The following ANO4 variants were observed in gnomAD, a reference collection of about 807,000 sequenced individuals.
ANO4 encodes the protein anoctamin-4.
A neutral mutation model predicts 141.9 loss-of-function variants in ANO4; 69 were observed. The observed-to-expected ratio is 0.49, with a 90% confidence interval of 0.40 to 0.59. The LOEUF (loss-of-function observed/expected upper bound fraction) is 0.59. ANO4 is among the 20% of genes least tolerant of loss of function. The probability of loss-of-function intolerance (pLI) is 0.00; values close to 1 mark genes in which losing one functional copy is unlikely to be tolerated. For synonymous variants in ANO4, 350 were observed against 394.3 expected (o/e 0.89, Z 1.33); for missense variants, 894 against 1,162.2 (o/e 0.77, Z 3.36).
Position 101,083,838 on chromosome 12 carries a change from A to C in ANO4, c.1536+20A>C. On this transcript the variant is annotated intron_variant, in intron 16 of 27. Transcript: ENST00000392977. Reference sequence around the variant, plus strand: ...TTTATGGTTTGAAACTTTTAAAAAAATATTTGTTTCATAAAATACAAACCT... The same window carrying C: ...TTTATGGTTTGAAACTTTTAAAAAACTATTTGTTTCATAAAATACAAACCT... The C allele has an allele frequency of 1.3e-6, 2 of 1,537,186 alleles. No individual in the cohort carries two copies. The highest frequency in any genetic ancestry group is 2.8e-5 in the African/African-American group (2 of 70,642).
intron 1 of ANO4, among the ~76,000 whole-genome samples, chr12:100,810,734 A>G (rs1250217698): frequency 6.6e-6 from 1 of 151,990 alleles, no homozygotes; most frequent in East Asian, 1.9e-4. Flanking sequence ...AGATTAGATA[A>G]CTGCTAAGTG....
chr12:101,099,955 G>A (rs1042309155), intron 22 of ANO4, among the ~76,000 whole-genome samples: 1 of 152,166 alleles, frequency 6.6e-6, no homozygotes, highest in Admixed American at 6.5e-5. Flanking sequence ...CATGGGCTTT[G>A]GAAGTAAATT....
chr12:101,108,651 A>G (rs1164058798), intron 22 of ANO4, among the ~76,000 whole-genome samples: 2 of 152,162 alleles, frequency 1.3e-5, no homozygotes, highest in Non-Finnish European at 2.9e-5. Flanking sequence ...TACTATTTTT[A>G]CAGTCATATA....
intron 1 of ANO4, chr12:100,717,681 G>A: frequency 2.5e-6 from 1 of 395,096 alleles, no homozygotes; most frequent in Non-Finnish European, 4.5e-6. Flanking sequence ...CGGCGGCCGT[G>A]CGCGCCGCTC....
At chr12:100,907,028 A>T (rs1160809696) in intron 2 of ANO4, among the ~76,000 whole-genome samples, 1 of 152,156 alleles carries the variant, frequency 6.6e-6, no homozygotes, top group Non-Finnish European at 1.5e-5. Context: ...ATGTTGGACA[A>T]TTGTCTTCAG....
intron 8 of ANO4, among the ~76,000 whole-genome samples, chr12:101,006,105 AT>A (rs1199409306): frequency 3.9e-5 from 6 of 152,144 alleles, no homozygotes; most frequent in Non-Finnish European, 7.4e-5. Flanking sequence ...TAAAATATTT[AT>A]TGATGCAACC....
rs149261812 is a variant in ANO4 at position 100,974,548 on chromosome 12, A to G, written c.558-297A>G. On this transcript the variant is annotated intron_variant, in intron 6 of 27. Transcript: ENST00000392977. The stretch of plus-strand genomic sequence containing the variant: ...CTCAGCTGAAGCTGTGCAAATACCA[A>G]TCACTCCAAATTATCATACTGCACA... Among the ~76,000 whole-genome samples, 101 of 152,198 alleles carry G rather than the reference A, an allele frequency of 6.6e-4. 1 individual carries two copies. The highest frequency in any genetic ancestry group is 2.4e-3 in the African/African-American group (98 of 41,538).
At chr12:100,937,584 T>C (rs950471328) in intron 3 of ANO4, among the ~76,000 whole-genome samples, 1 of 152,196 alleles carries the variant, frequency 6.6e-6, no homozygotes, top group African/African-American at 2.4e-5. Flanking sequence ...TGGTTTTTTT[T>C]CTTTGTAGCC....
rs1205021494 is a variant in ANO4 at position 100,984,995 on chromosome 12, C to T, written c.603-2544C>T. ...GGATTCAATTCATAGTCATCGCACA[C>T]AGAGCCCAGATTCTGTGGGAATGTG... On this transcript the variant is annotated intron_variant, in intron 7 of 27. Transcript: ENST00000392977. Among the ~76,000 whole-genome samples, 4 of 152,170 alleles carry T rather than the reference C, an allele frequency of 2.6e-5. No homozygotes were observed. The East Asian group carries it at 7.7e-4, about 29-fold the overall frequency.
chr12:101,116,686 G>A lies in ANO4; in HGVS notation c.2458G>A (p.Val820Ile), dbSNP rs776470078. Residue 820 changes from valine (V) to isoleucine (I), a missense_variant, in exon 25 of 28, where the codon GTT (valine) becomes ATT (isoleucine). By Grantham distance (29) the Val-to-Ile change is conservative. Transcript: ENST00000392977. ...GQGEAGQKCM[V>I]GYVNASLSVF... is the part of the protein sequence containing the mutation. ...ATGTGCCTCCTCTTATAGGTGCATG[G>A]TTGGCTATGTGAATGCCAGCTTGTC... The A allele has an allele frequency of 1.2e-5, 19 of 1,614,126 alleles. No individual in the cohort carries two copies. Among genetic ancestry groups the A allele is most frequent in the Non-Finnish European group, 1.6e-5 (19 of 1,179,998 alleles).
intron 7 of ANO4, among the ~76,000 whole-genome samples, chr12:100,983,702 C>A (rs1342813399): frequency 6.6e-6 from 1 of 152,220 alleles, no homozygotes; most frequent in Non-Finnish European, 1.5e-5. Flanking sequence ...CTCTCTGATT[C>A]TCCTTCTGCC....
intron 1 of ANO4, among the ~76,000 whole-genome samples, chr12:100,838,644 G>A (rs1415303937): frequency 6.6e-6 from 1 of 152,100 alleles, no homozygotes; most frequent in Non-Finnish European, 1.5e-5. Flanking sequence ...TGTGTGGAGA[G>A]GAAGGTGGAA....
At chr12:101,019,190 G>A (rs977202301) in intron 8 of ANO4, among the ~76,000 whole-genome samples, 2 of 152,046 alleles carry the variant, frequency 1.3e-5, no homozygotes, top group Non-Finnish European at 2.9e-5. Context: ...TTGCAGGGTT[G>A]ATAAACTTTA....
At chr12:100,876,528 G>C (rs1418349573) in intron 1 of ANO4, among the ~76,000 whole-genome samples, 1 of 152,200 alleles carries the variant, frequency 6.6e-6, no homozygotes, top group East Asian at 1.9e-4. Flanking sequence ...GTCTGCTGAT[G>C]TGAGGGATTC....
At chr12:101,048,894 C>T (rs767467004) in intron 14 of ANO4, among the ~76,000 whole-genome samples, 1 of 152,146 alleles carries the variant, frequency 6.6e-6, no homozygotes, top group African/African-American at 2.4e-5. Flanking sequence ...GTGATGGAAA[C>T]AGTCAAATAT....
chr12:100,739,828 C>T, intron 2 of ANO4: 1 of 699,316 alleles, frequency 1.4e-6, no homozygotes, highest in Non-Finnish European at 2.6e-6. Context: ...ATTGCTGCCA[C>T]TCACCTAATA....
Position 101,096,602 on chromosome 12 carries a change from T to C in ANO4, c.1805T>C (p.Val602Ala), listed in dbSNP as rs1421084896. The change falls in exon 19 of 28, where the codon GTC (valine) becomes GCC (alanine). Residue 602 changes from valine to alanine, a missense_variant. Val to Ala is a moderately conservative substitution (Grantham distance 64). Around this residue, in one of 2 missense-constraint regions of ANO4, gnomAD observed 637 missense variants for 909.2 expected, o/e 0.70. Transcript: ENST00000392977. ...FTLKMFLFQF[V>A]NLNSSTFYIA... ...CTGAAAATGTTTCTTTTTCAGTTTG[T>C]CAATCTGAACAGCTCCACATTTTAC... The C allele has an allele frequency of 6.2e-7, 1 of 1,613,618 alleles. No individual in the cohort carries two copies.
intron 14 of ANO4, among the ~76,000 whole-genome samples, chr12:101,078,651 C>T (rs2049121590): frequency 6.6e-6 from 1 of 152,028 alleles, no homozygotes; most frequent in South Asian, 2.1e-4. Context: ...AGGACTCCTT[C>T]CAGTAAAACA....
In ANO4 at chr12:100,942,395, A is replaced by T; in HGVS notation, c.316A>T (p.Lys106Ter). 6.2e-7 allele frequency: 1 copy of T among 1,613,930 alleles called. No individual in the cohort carries two copies. Among genetic ancestry groups the T allele is most frequent in the Non-Finnish European group, 8.5e-7 (1 of 1,179,934 alleles). ...AGGETVPERN[K>*]SNGLYFRDGK... is the part of the protein sequence containing the mutation. ...TGTGCAGACAGTGCCAGAAAGAAACAAATCAAATGGACTTTACTTTCGAGA... is the reference window on the plus strand; with the variant it reads ...TGTGCAGACAGTGCCAGAAAGAAACTAATCAAATGGACTTTACTTTCGAGA... The change falls in exon 5 of 28, where the codon AAA becomes TAA. Residue 106 changes from lysine to a stop codon, truncating the protein, a stop_gained. Transcript: ENST00000392977. LOFTEE classifies it high-confidence loss of function.
Sources: allele counts gnomAD v4.1 joint callset (sites outside exome capture counted in the v4.1 genomes callset), GRCh38; gene constraint gnomAD v4.1.1; regional missense constraint gnomAD v4.1.1; transcripts MANE v1.5; gene names NCBI Gene and HGNC (gene_info 2026-07-23, HGNC 2026-07-21).